LTBP2: variants seen among roughly 807,000 people sequenced by gnomAD.
The protein encoded by LTBP2 is latent-transforming growth factor beta-binding protein 2.
In LTBP2, 103 loss-of-function variants were observed where a neutral mutation model predicts 210.6. The observed-to-expected ratio is 0.49, with a 90% confidence interval of 0.42 to 0.58. LTBP2 has a LOEUF of 0.58. Among genes scored for constraint, LTBP2 ranks in the 20% least tolerant of loss-of-function variants. LTBP2 has a pLI of 0.00. For synonymous variants in LTBP2, 1,007 were observed against 1,015.0 expected (o/e 0.99, Z 0.15); for missense variants, 2,313 against 2,494.5 (o/e 0.93, Z 1.55).
At chr14:74,528,307 G>T (rs1268271127) in intron 12 of LTBP2, among the ~76,000 whole-genome samples, 176 bp downstream of exon 12, 4 of 152,232 alleles carry the variant, frequency 2.6e-5, no homozygotes, top group Non-Finnish European at 5.9e-5. Context: ...GGAAGTGGGT[G>T]GGGCCAGGCC....
intron 17 of LTBP2, among the ~76,000 whole-genome samples, chr14:74,519,013 A>ACTC (rs2087169297): frequency 1.3e-5 from 2 of 152,194 alleles, no homozygotes; most frequent in Non-Finnish European, 2.9e-5. Context: ...AAAAATGGAG[A>ACTC]CGTGAATAGA....
chr14:74,502,693 C>A lies in LTBP2; in HGVS notation c.5130G>T (p.Gln1710His). The change falls in exon 34 of 36, where the codon CAG becomes CAT. Residue 1710 changes from glutamine to histidine, a missense_variant. This residue lies in a region of LTBP2 where 443 missense variants were observed against 501.4 expected (regional missense o/e 0.88). Coordinates refer to ENST00000261978, the MANE Select transcript of LTBP2 (RefSeq NM_000428.3). Reference protein sequence around the residue: ...DRTPILESPLQPSELQPHYVA... With the variant: ...DRTPILESPLHPSELQPHYVA... Reference sequence around the variant, plus strand: ...CGTAGTGGGGCTGGAGTTCTGAGGGCTGCAAAGGAGACTCAAGGATGGGTG... The same window carrying A: ...CGTAGTGGGGCTGGAGTTCTGAGGGATGCAAAGGAGACTCAAGGATGGGTG... The A allele has an allele frequency of 6.2e-7, 1 of 1,614,194 alleles. No homozygotes were observed. The highest frequency in any genetic ancestry group is 8.5e-7 in the Non-Finnish European group (1 of 1,180,048).
intron 3 of LTBP2, among the ~76,000 whole-genome samples, chr14:74,563,569 C>T (rs533288986): frequency 1.3e-5 from 2 of 152,278 alleles, no homozygotes; most frequent in Non-Finnish European, 2.9e-5. Context: ...CCACCACTGA[C>T]TGTTTTTGTA....
chr14:74,604,760 G>A (rs2088500942), intron 1 of LTBP2, among the ~76,000 whole-genome samples: 1 of 152,076 alleles, frequency 6.6e-6, no homozygotes, highest in South Asian at 2.1e-4. Context: ...CAAAGTGCTG[G>A]GATTATAGGT....
At chr14:74,503,638 A>C (rs2086944834) in intron 31 of LTBP2, 32 bp from the exon 32 acceptor site, 2 of 1,611,278 alleles carry the variant, frequency 1.2e-6, no homozygotes, top group Non-Finnish European at 1.7e-6. Flanking sequence ...GGGCATTGCC[A>C]AGGTGGCCTT....
Position 74,521,976 on chromosome 14 carries a change from G to A in LTBP2, c.2723C>T (p.Ser908Phe), listed in dbSNP as rs1595250824. The change falls in exon 17 of 36, where the codon TCC becomes TTC. Residue 908 changes from serine to phenylalanine, a missense_variant. Coordinates refer to ENST00000261978, the MANE Select transcript of LTBP2 (RefSeq NM_000428.3). ...GCCAGGGTAGCAGAAGCAGGAGTAG[G>A]ACCCCACGCGGTTGATGCAGCGCCC... ...GKGRCINRVG[S>F]YSCFCYPGYT... is the part of the protein sequence containing the mutation. 6.2e-7 allele frequency: 1 copy of A among 1,614,178 alleles called. No individual in the cohort carries two copies.
chr14:74,545,918 C>G (rs2087569829), intron 8 of LTBP2, among the ~76,000 whole-genome samples: 1 of 152,188 alleles, frequency 6.6e-6, no homozygotes, highest in Non-Finnish European at 1.5e-5. Flanking sequence ...GACTCCCGGG[C>G]CAGCTCTCCA....
chr14:74,507,116 C>G (rs1355771464), intron 26 of LTBP2, 63 bp downstream of exon 26: 3 of 1,612,806 alleles, frequency 1.9e-6, no homozygotes, highest in African/African-American at 2.7e-5. Flanking sequence ...TCATGTCTCG[C>G]TCAATATGTG....
intron 1 of LTBP2, among the ~76,000 whole-genome samples, chr14:74,608,924 G>C (rs1287438859): frequency 2.0e-5 from 3 of 152,122 alleles, no homozygotes; most frequent in Non-Finnish European, 4.4e-5. Context: ...GTTCCATGAG[G>C]ACAGAGTATG....
chr14:74,606,664 C>G (rs2088530567), intron 1 of LTBP2, among the ~76,000 whole-genome samples: 1 of 152,128 alleles, frequency 6.6e-6, no homozygotes. Flanking sequence ...CTGGCCAACA[C>G]AGTGAAACCC....
At chr14:74,533,738 G>A (rs2087381635) in intron 9 of LTBP2, among the ~76,000 whole-genome samples, 1 of 152,190 alleles carries the variant, frequency 6.6e-6, no homozygotes, top group South Asian at 2.1e-4. Context: ...AGGTGCACTG[G>A]TTTCTTCTGT....
At chr14:74,602,218 C>A (rs79300315) in intron 2 of LTBP2, among the ~76,000 whole-genome samples, 3,120 of 152,276 alleles carry the variant, frequency 0.02, 47 homozygotes, top group Non-Finnish European at 0.035. Flanking sequence ...AGAGCTTGGC[C>A]GTGTTTCCCA....
intron 2 of LTBP2, among the ~76,000 whole-genome samples, chr14:74,592,105 C>T (rs555110429): frequency 4.6e-5 from 7 of 152,152 alleles, no homozygotes; most frequent in Non-Finnish European, 8.8e-5. Context: ...GTTGTGTGTC[C>T]TTTTGTTTAA....
chr14:74,508,236 C>T, intron 24 of LTBP2, 141 bp from the exon 25 acceptor site: 1 of 1,100,632 alleles, frequency 9.1e-7, no homozygotes, highest in Non-Finnish European at 1.3e-6. Context: ...AGCCAGAGGC[C>T]AGGCTGTGGG....
At position 74,551,223 on chromosome 14, in the gene LTBP2, G is replaced by A. The variant is rs954084800; in HGVS notation, c.1527C>T (p.Thr509=). The A allele has an allele frequency of 1.2e-6, 2 of 1,613,210 alleles. No individual in the cohort carries two copies. The highest frequency in any genetic ancestry group is 2.7e-5 in the African/African-American group (2 of 74,910). The change falls in exon 7 of 36, where the codon ACC becomes ACT. Residue 509 remains threonine, a synonymous_variant. Transcript: ENST00000261978. ...EEALVENSVE[T]RPPPWLPASP... ...TGGCAGGCAGCCAGGGCGGGGGTCT[G>A]GTCTCCACGCTGTTCTCCACTAGGG...
chr14:74,590,831 T>C (rs1001311890), intron 2 of LTBP2, among the ~76,000 whole-genome samples: 4 of 151,970 alleles, frequency 2.6e-5, no homozygotes, highest in Admixed American at 2.6e-4. Flanking sequence ...CAATGGACTT[T>C]AGAGACTCAG....
At chr14:74,581,320 G>A (rs879820503) in intron 3 of LTBP2, among the ~76,000 whole-genome samples, 1 of 152,160 alleles carries the variant, frequency 6.6e-6, no homozygotes, top group Non-Finnish European at 1.5e-5. Flanking sequence ...TAGGGTTACC[G>A]ATGGAGTTAA....
chr14:74,500,551 TG>T lies in LTBP2; in HGVS notation c.*332del, dbSNP rs1435290174. 3 of 474,192 alleles carry T rather than the reference TG, an allele frequency of 6.3e-6. No homozygotes were observed. The highest frequency in any genetic ancestry group is 7.8e-6 in the Non-Finnish European group (2 of 255,254). 29.4% of individuals were successfully genotyped at this position (474,192 alleles called of 1,614,324 possible). On this transcript the variant is annotated 3_prime_UTR_variant, in exon 36 of 36. Coordinates refer to ENST00000261978, the MANE Select transcript of LTBP2 (RefSeq NM_000428.3). ...AAGGGGTGTCTGCAGTGTGAGGCCA[TG>T]GGGCCTTGCATGCTCGCACAGCTTG... is the stretch of plus-strand genomic sequence containing the variant.
rs369578684 is a variant in LTBP2 at position 74,528,683 on chromosome 14, A to C, written c.2168T>G (p.Ile723Ser). 15 of 1,612,386 alleles carry C rather than the reference A, an allele frequency of 9.3e-6. No individual in the cohort carries two copies. The highest frequency in any genetic ancestry group is 1.2e-5 in the Non-Finnish European group (14 of 1,180,028). The change falls in exon 12 of 36, where the codon ATC (isoleucine) becomes AGC (serine). Residue 723 changes from isoleucine (I) to serine (S), a missense_variant. Coordinates refer to ENST00000261978, the MANE Select transcript of LTBP2 (RefSeq NM_000428.3). ...GGTGTAGCCGTGGCCGGCAGGGCAG[A>C]TCTCTCTGAAGGCCTCTGCAAAGCC... ...PLPGTEAFRE[I>S]CPAGHGYTYA...
Sources: gnomAD v4.1 joint callset for allele counts (sites outside exome capture counted in the v4.1 genomes callset) on GRCh38, gnomAD v4.1.1 for gene constraint, gnomAD v4.1.1 regional missense constraint, MANE v1.5 for transcripts, NCBI Gene and HGNC (gene_info 2026-07-23, HGNC 2026-07-21) for gene names.